Variants in HDAC9 observed in about 807,000 individuals in gnomAD.
HDAC9 encodes MEF-2 interacting transcription repressor (MITR) protein.
In HDAC9, 41 loss-of-function variants were observed where a neutral mutation model predicts 139.4. That is an observed-to-expected ratio of 0.29 (90% CI 0.23 to 0.38). HDAC9 has a LOEUF of 0.38. HDAC9 is among the 10% of genes least tolerant of loss of function. The pLI is 1.00. For missense variants in HDAC9, 1,147 were observed against 1,297.0 expected, an observed-to-expected ratio of 0.88 and a Z score of 1.78; for synonymous variants, 517 against 476.2, an observed-to-expected ratio of 1.09 and a Z score of -1.12.
intron 1 of HDAC9, among the ~76,000 whole-genome samples, chr7:18,152,514 T>G (rs76097697): frequency 6.6e-6 from 1 of 152,330 alleles, no homozygotes; most frequent in East Asian, 1.9e-4. Context: ...GAAACTTGTT[T>G]AAAATGCTGT....
At chr7:18,451,687 T>C (rs919640889) in intron 1 of HDAC9, among the ~76,000 whole-genome samples, 3 of 151,864 alleles carry the variant, frequency 2.0e-5, no homozygotes, top group African/African-American at 4.8e-5. Flanking sequence ...TATGTGGATA[T>C]AGAGGTGCTT....
At chr7:18,861,742 T>G (rs1056525366) in intron 21 of HDAC9, among the ~76,000 whole-genome samples, 2 of 152,176 alleles carry the variant, frequency 1.3e-5, no homozygotes, top group African/African-American at 4.8e-5. Flanking sequence ...ACACATAGCA[T>G]TTAAAATTAG....
chr7:18,681,538 G>A (rs1468384217), intron 12 of HDAC9, among the ~76,000 whole-genome samples: 1 of 152,016 alleles, frequency 6.6e-6, no homozygotes, highest in Non-Finnish European at 1.5e-5. Context: ...ATAGGAACTT[G>A]ATTTGCAATA....
intron 2 of HDAC9, among the ~76,000 whole-genome samples, chr7:18,230,872 C>T (rs109251): frequency 0.78 from 118,404 of 152,210 alleles, 46,188 homozygotes; most frequent in South Asian, 0.86. Context: ...TTTAGAGACT[C>T]CATAACTACA....
intron 6 of HDAC9, among the ~76,000 whole-genome samples, chr7:18,594,539 G>A (rs1048318917): frequency 1.3e-5 from 2 of 151,950 alleles, no homozygotes; most frequent in African/African-American, 4.8e-5. Context: ...ATATCTCATG[G>A]ATTATAATAG....
At chr7:18,539,177 G>T (rs1486353594) in intron 2 of HDAC9, among the ~76,000 whole-genome samples, 1 of 152,154 alleles carries the variant, frequency 6.6e-6, no homozygotes, top group Non-Finnish European at 1.5e-5. Context: ...AAGTTATCAA[G>T]GTGAACATCA....
chr7:18,650,008 AT>A (rs1788750236), intron 11 of HDAC9, among the ~76,000 whole-genome samples: 1 of 152,122 alleles, frequency 6.6e-6, no homozygotes, highest in African/African-American at 2.4e-5. Flanking sequence ...TTTAGCAAAT[AT>A]TTCGGTTTCA....
At chr7:18,773,035 A>G (rs1321603379) in intron 16 of HDAC9, among the ~76,000 whole-genome samples, 3 of 152,098 alleles carry the variant, frequency 2.0e-5, no homozygotes, top group Non-Finnish European at 4.4e-5. Context: ...ATGTGAAAAT[A>G]CATAGAATCA....
Position 18,835,957 on chromosome 7 carries a change from G to A in HDAC9, c.2644G>A (p.Asp882Asn). 6.4e-7 allele frequency: 1 copy of A among 1,566,822 alleles called. No individual in the cohort carries two copies. The highest frequency in any genetic ancestry group is 1.9e-5 in the Admixed American group (1 of 53,776). The change falls in exon 21 of 26, where the codon GAT becomes AAT. Residue 882 changes from aspartate to asparagine, a missense_variant. Around this residue, in one of 7 missense-constraint regions of HDAC9, gnomAD observed 407 missense variants for 521.5 expected, o/e 0.78. Transcript: ENST00000686413. ...NINIAWTGGLDPPMGDVEYLE... is the reference protein window; with the variant it reads ...NINIAWTGGLNPPMGDVEYLE... ...AAATATTGCCTGGACAGGTGGCCTT[G>A]ATCCTCCCATGGGAGATGTTGAGTA...
intron 1 of HDAC9, among the ~76,000 whole-genome samples, chr7:18,466,214 A>G (rs576413194): frequency 2.6e-5 from 4 of 152,206 alleles, no homozygotes; most frequent in Admixed American, 2.6e-4. Flanking sequence ...TTATTTATTT[A>G]GAGACAGGGT....
At chr7:18,090,433 C>T (rs1782071729) in intron 1 of HDAC9, among the ~76,000 whole-genome samples, 1 of 152,166 alleles carries the variant, frequency 6.6e-6, no homozygotes, top group South Asian at 2.1e-4. Flanking sequence ...CTGAAATAAA[C>T]AAAGAAGCAC....
chr7:18,651,677 GT>G (rs1292721307), intron 11 of HDAC9, among the ~76,000 whole-genome samples: 1 of 152,098 alleles, frequency 6.6e-6, no homozygotes, highest in Non-Finnish European at 1.5e-5. Context: ...AAATATTCAT[GT>G]TCAGTGTAAC....
At chr7:18,844,700 C>T (rs1389532514) in intron 21 of HDAC9, among the ~76,000 whole-genome samples, 2 of 152,252 alleles carry the variant, frequency 1.3e-5, no homozygotes, top group South Asian at 2.1e-4. Context: ...TGAAGAAGAG[C>T]TCATTCAAAC....
intron 25 of HDAC9, among the ~76,000 whole-genome samples, chr7:18,989,923 C>G (rs1196965021): frequency 6.6e-6 from 1 of 151,630 alleles, no homozygotes; most frequent in East Asian, 1.9e-4. Context: ...TTAAGCACTT[C>G]TCTGTGTTGG....
At chr7:18,263,232 G>A (rs1337432117) in intron 2 of HDAC9, among the ~76,000 whole-genome samples, 1 of 152,130 alleles carries the variant, frequency 6.6e-6, no homozygotes, top group Non-Finnish European at 1.5e-5. Context: ...AGTATGTTGT[G>A]TGTCAGACCC....
rs1786823798 is a variant in HDAC9, at chr7:18,644,758, A to C, written c.1000A>C (p.Thr334Pro). 1 of 1,611,928 alleles carries C rather than the reference A, an allele frequency of 6.2e-7. No homozygotes were observed. Among genetic ancestry groups the C allele is most frequent in the South Asian group, 1.1e-5 (1 of 90,918 alleles). The change falls in exon 9 of 26, where the codon ACC becomes CCC. Residue 334 changes from threonine (T) to proline (P), a missense_variant. Transcript: ENST00000686413. Reference sequence around the variant, plus strand: ...TACCTCTCCTTCTTTGCCCAACATTACCTTGGGGCTTCCCGCAGTGCCATC... The same window carrying C: ...TACCTCTCCTTCTTTGCCCAACATTCCCTTGGGGCTTCCCGCAGTGCCATC... ...LYTSPSLPNITLGLPAVPSQL... is the reference protein window; with the variant it reads ...LYTSPSLPNIPLGLPAVPSQL...
At chr7:18,561,522 A>G (rs529066136) in intron 2 of HDAC9, among the ~76,000 whole-genome samples, 1 of 152,318 alleles carries the variant, frequency 6.6e-6, no homozygotes, top group South Asian at 2.1e-4. Flanking sequence ...TTGTGCAACC[A>G]TCACCACAAT....
chr7:18,806,550 C>T (rs1026045069), intron 17 of HDAC9, among the ~76,000 whole-genome samples: 2 of 152,184 alleles, frequency 1.3e-5, no homozygotes, highest in Admixed American at 6.5e-5. Context: ...CATTATGTCT[C>T]TCTGTGACCA....
intron 23 of HDAC9, among the ~76,000 whole-genome samples, chr7:18,940,525 A>C (rs1781956387): frequency 6.6e-6 from 1 of 152,184 alleles, no homozygotes; most frequent in Admixed American, 6.5e-5. Context: ...AAGCACTTAG[A>C]AACACCAGCT....
Sources: allele counts gnomAD v4.1 joint callset (sites outside exome capture counted in the v4.1 genomes callset), GRCh38; gene constraint gnomAD v4.1.1; regional missense constraint gnomAD v4.1.1; transcripts MANE v1.5; gene names NCBI Gene and HGNC (gene_info 2026-07-23, HGNC 2026-07-21).